The following THSD4 variants were observed in gnomAD, a reference collection of about 807,000 sequenced individuals.
THSD4 encodes the protein thrombospondin type 1 domain containing 4, also known as thrombospondin type-1 domain-containing protein 4.
In THSD4, 69 loss-of-function variants were observed where a neutral mutation model predicts 119.0. That is an observed-to-expected ratio of 0.58 (90% CI 0.48 to 0.71). The LOEUF is 0.71. THSD4 is among the 30% of genes least tolerant of loss of function. The probability of loss-of-function intolerance (pLI) is 0.00; values close to 1 mark genes in which losing one functional copy is unlikely to be tolerated. For missense variants in THSD4, 1,393 were observed against 1,391.1 expected (o/e 1.00, Z -0.02); for synonymous variants, 524 against 540.4 (o/e 0.97, Z 0.42).
At chr15:71,266,845 C>G (rs1368481663) in intron 6 of THSD4, among the ~76,000 whole-genome samples, 2 of 151,488 alleles carry the variant, frequency 1.3e-5, no homozygotes, top group African/African-American at 4.9e-5. Flanking sequence ...ATTGATCAAG[C>G]AGAAGAAAGG....
At chr15:71,258,230 G>A (rs1431301472) in intron 6 of THSD4, among the ~76,000 whole-genome samples, 1 of 152,182 alleles carries the variant, frequency 6.6e-6, no homozygotes, top group Non-Finnish European at 1.5e-5. Flanking sequence ...CCAGGCTGGA[G>A]TGCGGTGGCG....
At chr15:71,742,326 A>G (rs1330711442) in intron 11 of THSD4, among the ~76,000 whole-genome samples, 5 of 152,322 alleles carry the variant, frequency 3.3e-5, no homozygotes, top group African/African-American at 1.2e-4. Flanking sequence ...GCCATTGATC[A>G]GGCCTCTGTC....
chr15:71,106,731 A>G (rs1015625410), intron 1 of THSD4, among the ~76,000 whole-genome samples: 1 of 152,116 alleles, frequency 6.6e-6, no homozygotes, highest in African/African-American at 2.4e-5. Context: ...TTGATGCTGT[A>G]CATTCAAAGA....
At chr15:71,747,853 C>CA (rs1299707067) in intron 13 of THSD4, among the ~76,000 whole-genome samples, 1 of 152,248 alleles carries the variant, frequency 6.6e-6, no homozygotes, top group Non-Finnish European at 1.5e-5. Context: ...ATATTCTTTA[C>CA]TCTAAACAGG....
chr15:71,424,459 A>T (rs1291260596), intron 7 of THSD4, among the ~76,000 whole-genome samples: 1 of 152,110 alleles, frequency 6.6e-6, no homozygotes, highest in African/African-American at 2.4e-5. Flanking sequence ...GCATATTGAA[A>T]GGCCTCGAAG....
intron 6 of THSD4, among the ~76,000 whole-genome samples, chr15:71,403,478 C>T (rs1254066388): frequency 2.0e-5 from 3 of 152,132 alleles, no homozygotes; most frequent in Non-Finnish European, 2.9e-5. Flanking sequence ...GTCCCAGTGT[C>T]TTGAAATTTC....
At chr15:71,276,601 A>G (rs532293309) in intron 6 of THSD4, among the ~76,000 whole-genome samples, 3 of 152,170 alleles carry the variant, frequency 2.0e-5, no homozygotes, top group Non-Finnish European at 4.4e-5. Flanking sequence ...AATCTTTCCA[A>G]TCATGGTTAC....
At chr15:71,643,500 C>G (rs566669804) in intron 7 of THSD4, among the ~76,000 whole-genome samples, 2 of 152,072 alleles carry the variant, frequency 1.3e-5, no homozygotes, top group Non-Finnish European at 2.9e-5. Flanking sequence ...TGTGTTGTTC[C>G]CCTCTATGTG....
At chr15:71,110,971 T>C (rs1482621676), upstream of THSD4, 5 of 635,128 alleles carry the variant, frequency 7.9e-6, no homozygotes, top group Admixed American at 8.8e-5. Flanking sequence ...AGGGAGGCTG[T>C]GGACTGGAGG....
At chr15:71,474,078 G>T (rs1018706401) in intron 7 of THSD4, among the ~76,000 whole-genome samples, 42 of 152,240 alleles carry the variant, frequency 2.8e-4, no homozygotes, top group African/African-American at 9.9e-4. Context: ...TATCCATTCA[G>T]GGAATCCCAG....
intron 1 of THSD4, among the ~76,000 whole-genome samples, chr15:71,097,291 A>C (rs1396661098): frequency 6.6e-6 from 1 of 152,178 alleles, no homozygotes; most frequent in Non-Finnish European, 1.5e-5. Context: ...AAGGCTGGGC[A>C]CGGTGGTTGA....
intron 6 of THSD4, among the ~76,000 whole-genome samples, chr15:71,260,362 C>A (rs2044376681): frequency 6.6e-6 from 1 of 152,076 alleles, no homozygotes; most frequent in African/African-American, 2.4e-5. Flanking sequence ...GTGATAAGCT[C>A]CTATGTACCC....
intron 5 of THSD4, among the ~76,000 whole-genome samples, chr15:71,245,371 C>T (rs2044191056): frequency 6.6e-6 from 1 of 152,126 alleles, no homozygotes; most frequent in East Asian, 1.9e-4. Flanking sequence ...TGACTTGGGC[C>T]ACACCCCCAT....
At chr15:71,542,870 C>CT (rs1448659198) in intron 7 of THSD4, among the ~76,000 whole-genome samples, 1 of 140,526 alleles carries the variant, frequency 7.1e-6, no homozygotes, top group African/African-American at 2.6e-5. Context: ...GAGCAAGACT[C>CT]TGTCTCAAAA....
intron 11 of THSD4, among the ~76,000 whole-genome samples, chr15:71,739,106 A>AC (rs35067087): frequency 0.023 from 3,494 of 152,090 alleles, 147 homozygotes; most frequent in Admixed American, 0.1. Flanking sequence ...CAGAAAAAAA[A>AC]AAAAAAAACA....
intron 17 of THSD4, among the ~76,000 whole-genome samples, chr15:71,771,701 A>G (rs1234494126): frequency 4.6e-5 from 7 of 152,170 alleles, no homozygotes; most frequent in Admixed American, 1.3e-4. Flanking sequence ...ACTAGACTCA[A>G]GGAGGAGGAG....
intron 9 of THSD4, 109 bp downstream of exon 9, chr15:71,728,833 C>A: frequency 1.4e-6 from 2 of 1,439,092 alleles, no homozygotes; most frequent in Non-Finnish European, 9.6e-7. Context: ...TCAATAAAAA[C>A]CCTTTGAGCA....
upstream of THSD4, chr15:71,110,876 C>A: frequency 2.2e-6 from 1 of 463,386 alleles, no homozygotes; most frequent in Admixed American, 3.8e-5. Flanking sequence ...AGTGACTGAT[C>A]AGCCATGCTT....
At chr15:71,237,520 G>T (rs895315186) in intron 4 of THSD4, among the ~76,000 whole-genome samples, 1 of 152,178 alleles carries the variant, frequency 6.6e-6, no homozygotes, top group Non-Finnish European at 1.5e-5. Context: ...AGCTATCAAA[G>T]TGCAGTCCCA....
Sources: gnomAD v4.1 joint callset for allele counts (sites outside exome capture counted in the v4.1 genomes callset) on GRCh38, gnomAD v4.1.1 for gene constraint, MANE v1.5 for transcripts, NCBI Gene and HGNC (gene_info 2026-07-23, HGNC 2026-07-21) for gene names.